SRM: variants seen among roughly 807,000 people sequenced by gnomAD.
The protein encoded by SRM is spermidine synthase, also known as putrescine aminopropyltransferase.
In SRM, 14 loss-of-function variants were observed where a neutral mutation model predicts 39.3. The ratio of observed to expected loss-of-function variants is 0.36; its 90% CI spans 0.24 to 0.56. The LOEUF is 0.56. SRM is among the 20% of genes least tolerant of loss of function. The probability of loss-of-function intolerance (pLI) is 0.86; values close to 1 mark genes in which losing one functional copy is unlikely to be tolerated. For synonymous variants in SRM, 195 were observed against 173.1 expected, an observed-to-expected ratio of 1.13 and a Z score of -0.99; for missense variants, 244 against 409.2, an observed-to-expected ratio of 0.60 and a Z score of 3.48.
intron 4 of SRM, 32 bp downstream of exon 4, chr1:11,056,572 C>T (rs1044116361): frequency 1.2e-6 from 2 of 1,611,962 alleles, no homozygotes; most frequent in Non-Finnish European, 1.7e-6. Context: ...CCTGCAGCTG[C>T]CAGAAAACCC....
intron 3 of SRM, among the ~76,000 whole-genome samples, chr1:11,058,514 T>C (rs1638918989): frequency 7.1e-6 from 1 of 140,738 alleles, no homozygotes; most frequent in Non-Finnish European, 1.5e-5. Flanking sequence ...TGAGCCGAGA[T>C]CGCACCATCA....
chr1:11,059,872 G>A lies in SRM; in HGVS notation c.72C>T (p.Thr24=), dbSNP rs764895452. Residue 24 remains threonine (T), a synonymous_variant, in exon 1 of 8, where the codon ACC becomes ACT. Coordinates refer to ENST00000376957, the MANE Select transcript of SRM (RefSeq NM_003132.3). The part of the protein sequence containing the change: ...AAIREGWFRE[T]CSLWPGQALS... The stretch of plus-strand genomic sequence containing the variant: ...GGGCCTGGCCGGGCCACAGGCTGCA[G>A]GTCTCGCGGAACCAGCCCTCGCGGA... 6.5e-7 allele frequency: 1 copy of A among 1,534,176 alleles called. No homozygotes were observed. Among genetic ancestry groups the A allele is most frequent in the Non-Finnish European group, 8.7e-7 (1 of 1,150,768 alleles).
intron 6 of SRM, among the ~76,000 whole-genome samples, 166 bp downstream of exon 6, chr1:11,055,615 C>G (rs1638860479): frequency 6.6e-6 from 1 of 152,092 alleles, no homozygotes; most frequent in South Asian, 2.1e-4. Flanking sequence ...CGGGGTTTCA[C>G]CGTGTTAGCC....
In SRM at chr1:11,056,596, C is replaced by A; in HGVS notation, c.535+8G>T. Reference sequence around the variant, plus strand: ...GCCAGAAAACCCTGGGGCCCATCCACTGCTTACCCATGGGGTCTGAGGAGT... The same window carrying A: ...GCCAGAAAACCCTGGGGCCCATCCAATGCTTACCCATGGGGTCTGAGGAGT... On this transcript the variant is annotated splice_region_variant and intron_variant, in intron 4 of 7. Transcript: ENST00000376957. The A allele has an allele frequency of 6.2e-7, 1 of 1,613,970 alleles. No individual in the cohort carries two copies. The highest frequency in any genetic ancestry group is 8.5e-7 in the Non-Finnish European group (1 of 1,179,944).
At chr1:11,059,718 G>A in intron 1 of SRM, 59 bp downstream of exon 1, 1 of 1,520,190 alleles carries the variant, frequency 6.6e-7, no homozygotes, top group Non-Finnish European at 8.8e-7. Flanking sequence ...CCCGTGAGGC[G>A]GGCAGCAGGC....
Position 11,054,915 on chromosome 1 carries a change from C to A in SRM, c.889-30G>T, listed in dbSNP as rs1340696872. The A allele has an allele frequency of 2.5e-6, 4 of 1,611,326 alleles. No individual in the cohort carries two copies. Among genetic ancestry groups the A allele is most frequent in the Non-Finnish European group, 3.4e-6 (4 of 1,179,660 alleles). ...AGGGACATGAGGCCAGTCAGGAGGG[C>A]GCTCTGGGTCCCTGGGTCCCACCAC... On this transcript the variant is annotated intron_variant, in intron 7 of 7. Coordinates refer to ENST00000376957, the MANE Select transcript of SRM (RefSeq NM_003132.3). The surrounding 1 kb of genome is among the most constrained non-coding windows in gnomAD (Gnocchi z 4.8).
At chr1:11,059,621 GC>G in intron 1 of SRM, 155 bp downstream of exon 1, 1 of 1,027,010 alleles carries the variant, frequency 9.7e-7, no homozygotes, top group Non-Finnish European at 1.4e-6. Flanking sequence ...CGCAGTCCCA[GC>G]CCCAGCCCAG....
At chr1:11,057,477 T>TTG in intron 3 of SRM, among the ~76,000 whole-genome samples, 1 of 146,984 alleles carries the variant, frequency 6.8e-6, no homozygotes. Context: ...TTTTTTTTTT[T>TTG]TATTTTTAGT....
chr1:11,056,359 C>A (rs1415558067), intron 4 of SRM, among the ~76,000 whole-genome samples: 1 of 152,182 alleles, frequency 6.6e-6, no homozygotes, highest in Non-Finnish European at 1.5e-5. Flanking sequence ...GACACAGGGT[C>A]CTCAGTGTCC....
chr1:11,054,838 G>T lies in SRM; in HGVS notation c.*27C>A. ...CGCAGGCTCCAAGGTCCGAGGTCCT[G>T]GGTGGCATCAGTGGTGGCGCCTGGG... is the stretch of plus-strand genomic sequence containing the variant. On this transcript the variant is annotated 3_prime_UTR_variant, in exon 8 of 8. Transcript: ENST00000376957. The surrounding 1 kb of genome is among the most constrained non-coding windows in gnomAD (Gnocchi z 4.8). The T allele has an allele frequency of 6.3e-7, 1 of 1,593,872 alleles. No homozygotes were observed. The highest frequency in any genetic ancestry group is 8.6e-7 in the Non-Finnish European group (1 of 1,168,506).
Position 11,059,935 on chromosome 1 carries a change from G to GGGCTCCAT in SRM, c.1_8dup (p.Gly4TrpfsTer82). On this transcript the variant is annotated frameshift_variant, in exon 1 of 8. Coordinates refer to ENST00000376957, the MANE Select transcript of SRM (RefSeq NM_003132.3). LOFTEE classifies it high-confidence loss of function. ...CGGAGGCGGCGGGGCCGTCGGGGCC[G>GGGCTCCAT]GGCTCCATGGCGGGCGGGCGGGCGG... 8.5e-7 allele frequency: 1 copy of GGGCTCCAT among 1,169,780 alleles called. No homozygotes were observed. Among genetic ancestry groups the GGGCTCCAT allele is most frequent in the Non-Finnish European group, 1.1e-6 (1 of 950,410 alleles). The allele number at this position is 1,169,780 out of a possible 1,614,324, so 72.5% of individuals were successfully genotyped here. A position where few individuals can be genotyped will look rare whatever the true frequency, so the allele number is the denominator to read the frequency against.
chr1:11,058,565 A>C, intron 3 of SRM: 1 of 319,100 alleles, frequency 3.1e-6, no homozygotes, highest in Non-Finnish European at 5.7e-6. Flanking sequence ...CTGTCTCAAA[A>C]AAAAAAAAAA....
Position 11,055,013 on chromosome 1 carries a change from G to A in SRM, c.837C>T (p.Tyr279=), listed in dbSNP as rs774758172. The change falls in exon 7 of 8, where the codon TAC becomes TAT. Residue 279 remains tyrosine (Y), a synonymous_variant. Coordinates refer to ENST00000376957, the MANE Select transcript of SRM (RefSeq NM_003132.3). ...AGGCGGCGCGGTGCACGTCGGAGTT[G>A]TAGTACTTCAGCTGCATCTGCGCCA... The part of the protein sequence containing the change: ...QQVAQMQLKY[Y]NSDVHRAAFV... 1.2e-6 allele frequency: 2 copies of A among 1,612,840 alleles called. No homozygotes were observed. The highest frequency in any genetic ancestry group is 2.2e-5 in the South Asian group (2 of 91,066).
chr1:11,055,678 G>A (rs1035635775), intron 6 of SRM, 103 bp downstream of exon 6: 21 of 1,245,206 alleles, frequency 1.7e-5, no homozygotes, highest in African/African-American at 3.0e-5. Context: ...GCCTCCCAAA[G>A]TGCTGGGATT....
chr1:11,056,821 ACGT>A (rs1638886984), intron 3 of SRM, 64 bp from the exon 4 acceptor site: 50 of 1,577,278 alleles, frequency 3.2e-5, no homozygotes, highest in Non-Finnish European at 4.1e-5. Context: ...CAGCACAGCC[ACGT>A]GGGACTCTCC....
intron 1 of SRM, 99 bp from the exon 2 acceptor site, chr1:11,059,444 G>A: frequency 6.4e-7 from 1 of 1,558,036 alleles, no homozygotes; most frequent in Non-Finnish European, 8.7e-7. Flanking sequence ...TCCCGCCTAG[G>A]GGTCCCAGGG....
At chr1:11,056,554 C>T in intron 4 of SRM, 50 bp downstream of exon 4, 2 of 1,608,420 alleles carry the variant, frequency 1.2e-6, no homozygotes, top group Non-Finnish European at 1.7e-6. Flanking sequence ...GGGAGGCTGA[C>T]CTCCAGACCT....
Position 11,055,771 on chromosome 1 carries a change from C to T in SRM, c.765+10G>A, listed in dbSNP as rs1281972425. 1.9e-6 allele frequency: 3 copies of T among 1,553,240 alleles called. No individual in the cohort carries two copies. Among genetic ancestry groups the T allele is most frequent in the Non-Finnish European group, 2.6e-6 (3 of 1,149,200 alleles). On this transcript the variant is annotated intron_variant, in intron 6 of 7. Transcript: ENST00000376957. ...CCCCCAACCCCCACCCCCAGACACC[C>T]CCATCTCACCGGGTTCTTGCTGCAC... is the stretch of plus-strand genomic sequence containing the variant.
Position 11,056,609 on chromosome 1 carries a change from G to A in SRM, c.530C>T (p.Pro177Leu). The A allele has an allele frequency of 6.2e-7, 1 of 1,614,106 alleles. No individual in the cohort carries two copies. The highest frequency in any genetic ancestry group is 8.5e-7 in the Non-Finnish European group (1 of 1,180,000). The change falls in exon 4 of 8, where the codon CCC (proline) becomes CTC (leucine). Residue 177 changes from proline to leucine, a missense_variant. By Grantham distance (98) the Pro-to-Leu change is moderately conservative (BLOSUM62 -3). Transcript: ENST00000376957. ...FDVIITDSSD[P>L]MGPAESLFKE... ...GGGGCCCATCCACTGCTTACCCATG[G>A]GGTCTGAGGAGTCAGTGATGATCAC...
Sources: gnomAD v4.1 joint callset for allele counts (sites outside exome capture counted in the v4.1 genomes callset) on GRCh38, gnomAD v4.1.1 for gene constraint, Gnocchi (gnomAD v3.1) non-coding constraint, MANE v1.5 for transcripts, NCBI Gene and HGNC (gene_info 2026-07-23, HGNC 2026-07-21) for gene names.